The following TBC1D5 variants were observed in gnomAD, a reference collection of about 807,000 sequenced individuals.
The protein encoded by TBC1D5 is TBC1 domain family member 5.
TBC1D5 carries 75 observed loss-of-function variants against 100.3 expected under a neutral mutation model. The observed-to-expected ratio is 0.75, with a 90% CI of 0.62 to 0.91. The LOEUF (loss-of-function observed/expected upper bound fraction) is 0.91, where lower values mean the gene tolerates loss of function less well. Ranked by LOEUF, TBC1D5 falls within the 40% of genes least tolerant of loss-of-function variation. TBC1D5 has a pLI of 0.00. For missense variants in TBC1D5, 910 were observed against 942.4 expected (o/e 0.97, Z 0.45); for synonymous variants, 323 against 325.6 (o/e 0.99, Z 0.09).
intron 1 of TBC1D5, among the ~76,000 whole-genome samples, chr3:17,701,334 G>A (rs1029836147): frequency 1.3e-5 from 2 of 152,134 alleles, no homozygotes; most frequent in Non-Finnish European, 2.9e-5. Context: ...TAGGGGGTAG[G>A]GGGCTGGAGG....
intron 1 of TBC1D5, among the ~76,000 whole-genome samples, chr3:17,649,062 C>T (rs1577224487): frequency 6.6e-6 from 1 of 152,144 alleles, no homozygotes; most frequent in East Asian, 1.9e-4. Context: ...CAATAGGAAA[C>T]ACATGGAATC....
chr3:17,653,836 G>A (rs1015807484), intron 1 of TBC1D5, among the ~76,000 whole-genome samples: 2 of 152,020 alleles, frequency 1.3e-5, no homozygotes, highest in Admixed American at 6.6e-5. Flanking sequence ...AGGAAAGAAG[G>A]GAAGGAAGGA....
In TBC1D5 at chr3:17,733,539, G is replaced by A. The variant is rs555392046; in HGVS notation, c.-101+5804C>T. ...AATAATTATAAAGGAAGAGAGCTAC[G>A]TACATTACCAGGAATCTTTTGACAT... On this transcript the variant is annotated intron_variant, in intron 1 of 21. Transcript: ENST00000253692. Among the ~76,000 whole-genome samples the A allele has an allele frequency of 1.1e-4, 17 of 152,208 alleles. No homozygotes were observed. The South Asian group carries it at 3.3e-3, about 30-fold the overall frequency.
chr3:17,464,218 C>G (rs1013641496), intron 3 of TBC1D5, among the ~76,000 whole-genome samples: 1 of 152,086 alleles, frequency 6.6e-6, no homozygotes, highest in South Asian at 2.1e-4. Flanking sequence ...TCTCGGCCTC[C>G]CAAAGTGCTG....
At chr3:17,633,685 G>A (rs1269957151) in intron 1 of TBC1D5, among the ~76,000 whole-genome samples, 1 of 151,968 alleles carries the variant, frequency 6.6e-6, no homozygotes, top group Non-Finnish European at 1.5e-5. Flanking sequence ...ATATACTTTG[G>A]ATTAGAATCA....
exon 22 of TBC1D5, chr3:17,157,237 A>AAATC (rs1201693287): frequency 3.9e-5 from 6 of 152,244 alleles, no homozygotes; most frequent in Admixed American, 1.3e-4. Context: ...ATCATTTCTT[A>AAATC]AATCAGTATG....
intron 2 of TBC1D5, among the ~76,000 whole-genome samples, chr3:17,602,960 G>A (rs577461336): frequency 6.6e-6 from 1 of 152,046 alleles, no homozygotes; most frequent in Non-Finnish European, 1.5e-5. Flanking sequence ...AATACATCCT[G>A]AGCCTCACTA....
At chr3:17,218,096 T>C (rs530410992) in intron 17 of TBC1D5, among the ~76,000 whole-genome samples, 24 of 152,210 alleles carry the variant, frequency 1.6e-4, no homozygotes, top group Non-Finnish European at 3.2e-4. Flanking sequence ...CCAGAACTAT[T>C]TGTAAAAAAG....
At chr3:17,726,051 C>A (rs541924914) in intron 1 of TBC1D5, among the ~76,000 whole-genome samples, 1 of 152,256 alleles carries the variant, frequency 6.6e-6, no homozygotes, top group South Asian at 2.1e-4. Context: ...TGATGTCATT[C>A]TTTTTTATGG....
chr3:17,427,777 A>T (rs2094366769), intron 4 of TBC1D5, among the ~76,000 whole-genome samples: 1 of 151,960 alleles, frequency 6.6e-6, no homozygotes, highest in Non-Finnish European at 1.5e-5. Context: ...TTCTGTATAC[A>T]GATTTTCAAG....
At chr3:17,216,422 C>G (rs1294924420) in intron 17 of TBC1D5, among the ~76,000 whole-genome samples, 1 of 152,082 alleles carries the variant, frequency 6.6e-6, no homozygotes, top group Non-Finnish European at 1.5e-5. Flanking sequence ...CTCTGCCCAA[C>G]TCTGATTCCT....
At chr3:17,193,390 T>C (rs1170807352) in intron 18 of TBC1D5, among the ~76,000 whole-genome samples, 1 of 152,252 alleles carries the variant, frequency 6.6e-6, no homozygotes, top group African/African-American at 2.4e-5. Flanking sequence ...CAACTTCACA[T>C]TCTCTTCATT....
At chr3:17,555,964 G>A (rs2096515724) in intron 2 of TBC1D5, among the ~76,000 whole-genome samples, 1 of 152,110 alleles carries the variant, frequency 6.6e-6, no homozygotes, top group Non-Finnish European at 1.5e-5. Context: ...CAGTTGATTG[G>A]GGGCTTAGAA....
intron 3 of TBC1D5, among the ~76,000 whole-genome samples, chr3:17,434,266 G>C (rs991986465): frequency 5.3e-5 from 8 of 152,210 alleles, no homozygotes; most frequent in African/African-American, 1.9e-4. Flanking sequence ...CATAGCAGAG[G>C]TTCTCCATGA....
chr3:17,355,707 G>GT (rs1399001143), intron 13 of TBC1D5, among the ~76,000 whole-genome samples: 161 of 149,394 alleles, frequency 1.1e-3, no homozygotes, highest in Middle Eastern at 7.0e-3. Context: ...CCATGGTAGC[G>GT]TTTTTTTTTG....
intron 18 of TBC1D5, among the ~76,000 whole-genome samples, chr3:17,190,067 AAT>A (rs750751912): frequency 1.3e-5 from 2 of 152,186 alleles, no homozygotes; most frequent in Non-Finnish European, 1.5e-5. Context: ...GTTTAAATTT[AAT>A]ATGTCAATTT....
At chr3:17,329,530 G>C (rs1055191555) in intron 13 of TBC1D5, among the ~76,000 whole-genome samples, 2 of 109,584 alleles carry the variant, frequency 1.8e-5, no homozygotes, top group African/African-American at 9.2e-5. Flanking sequence ...ATTTTATGGA[G>C]GATAAAAAAT....
At chr3:17,293,415 A>T (rs1484817720) in intron 14 of TBC1D5, among the ~76,000 whole-genome samples, 1 of 152,226 alleles carries the variant, frequency 6.6e-6, no homozygotes, top group Non-Finnish European at 1.5e-5. Context: ...ATATTTTGTA[A>T]AGAGGCAGGA....
At chr3:17,397,561 T>C (rs2093540940) in intron 8 of TBC1D5, among the ~76,000 whole-genome samples, 1 of 152,056 alleles carries the variant, frequency 6.6e-6, no homozygotes, top group Admixed American at 6.6e-5. Flanking sequence ...GTGTTTTCTG[T>C]GGAGACGGTT....
Sources: gnomAD v4.1 joint callset for allele counts (sites outside exome capture counted in the v4.1 genomes callset) on GRCh38, gnomAD v4.1.1 for gene constraint, MANE v1.5 for transcripts, NCBI Gene and HGNC (gene_info 2026-07-23, HGNC 2026-07-21) for gene names.